Variants in COMMD1 observed in about 807,000 individuals in gnomAD.
COMMD1 encodes COMM domain-containing protein 1.
In COMMD1, 10 loss-of-function variants were observed where a neutral mutation model predicts 17.2. The ratio of observed to expected loss-of-function variants is 0.58; its 90% CI spans 0.36 to 0.99. The LOEUF (loss-of-function observed/expected upper bound fraction) is 0.99. Ranked by LOEUF, COMMD1 falls within the 50% of genes least tolerant of loss-of-function variation. The pLI is 0.01. For missense variants in COMMD1, 270 were observed against 231.8 expected, an observed-to-expected ratio of 1.17 and a Z score of -1.07; for synonymous variants, 97 against 91.6, an observed-to-expected ratio of 1.06 and a Z score of -0.34.
intron 1 of COMMD1, among the ~76,000 whole-genome samples, chr2:61,990,887 A>AT (rs1189983371): frequency 0.025 from 2,372 of 94,598 alleles, 79 homozygotes; most frequent in African/African-American, 0.099. Flanking sequence ...CAAAAAAAAA[A>AT]AAAAATATAT....
intron 2 of COMMD1, among the ~76,000 whole-genome samples, chr2:62,103,988 A>T (rs555304559): frequency 3.9e-5 from 6 of 152,062 alleles, no homozygotes; most frequent in African/African-American, 1.4e-4. Context: ...CTGCACACAC[A>T]TGCCACCACA....
chr2:61,906,005 C>T (rs1375673399), intron 1 of COMMD1, 147 bp downstream of exon 1: 4 of 780,502 alleles, frequency 5.1e-6, no homozygotes, highest in African/African-American at 3.4e-5. Context: ...ACATCGGGCT[C>T]CTTCAGATTT....
At chr2:62,067,305 T>C (rs1039173715) in intron 2 of COMMD1, among the ~76,000 whole-genome samples, 3 of 152,118 alleles carry the variant, frequency 2.0e-5, no homozygotes, top group Non-Finnish European at 2.9e-5. Context: ...TTGGTCCTTA[T>C]AAGTACTTAA....
chr2:61,920,926 T>C (rs1195870236), intron 1 of COMMD1, among the ~76,000 whole-genome samples: 1 of 149,024 alleles, frequency 6.7e-6, no homozygotes. Flanking sequence ...TATGTGTATA[T>C]GTATACATAT....
intron 2 of COMMD1, among the ~76,000 whole-genome samples, chr2:62,081,248 T>A (rs1010756726): frequency 1.3e-5 from 2 of 150,168 alleles, no homozygotes; most frequent in Non-Finnish European, 3.0e-5. Context: ...TTTTTCTCAA[T>A]CTAGATTTTT....
At chr2:61,920,853 A>T (rs1670170745) in intron 1 of COMMD1, among the ~76,000 whole-genome samples, 1 of 151,598 alleles carries the variant, frequency 6.6e-6, no homozygotes, top group Admixed American at 6.6e-5. Flanking sequence ...TTTTTACTAG[A>T]GAAAATCCTG....
chr2:62,117,720 T>C (rs1161445901), intron 2 of COMMD1, among the ~76,000 whole-genome samples: 1 of 152,260 alleles, frequency 6.6e-6, no homozygotes, highest in Non-Finnish European at 1.5e-5. Context: ...TTTTTTGTTA[T>C]TTTGTGTGAT....
intron 1 of COMMD1, among the ~76,000 whole-genome samples, chr2:61,968,340 T>C (rs1558541065): frequency 6.6e-6 from 1 of 152,158 alleles, no homozygotes; most frequent in Non-Finnish European, 1.5e-5. Flanking sequence ...TGGAATGTAA[T>C]TACTTGGGGG....
chr2:61,944,729 ATCAC>A (rs1280233900), intron 1 of COMMD1, among the ~76,000 whole-genome samples: 1 of 152,196 alleles, frequency 6.6e-6, no homozygotes, highest in Non-Finnish European at 1.5e-5. Flanking sequence ...GAATCTGCCC[ATCAC>A]TCGTGAAAAC....
rs137932056 is a variant in COMMD1 at position 61,924,566 on chromosome 2, C to T, written c.180+18708C>T. On this transcript the variant is annotated intron_variant, in intron 1 of 2. Transcript: ENST00000311832. ...AGCAGGAGGTGAGTCTGGTTTGGAG[C>T]GGGTGAGGAGAATTTGGAAAGTAGA... 5.3e-5 allele frequency among the ~76,000 whole-genome samples: 8 copies of T among 151,920 alleles called. No individual in the cohort carries two copies. The East Asian group carries it at 5.8e-4, about 11-fold the overall frequency.
At chr2:62,035,565 A>T (rs1670015380) in intron 2 of COMMD1, among the ~76,000 whole-genome samples, 1 of 151,736 alleles carries the variant, frequency 6.6e-6, no homozygotes, top group Non-Finnish European at 1.5e-5. Context: ...ACATGGTGTA[A>T]CACTCTCTAC....
intron 1 of COMMD1, among the ~76,000 whole-genome samples, chr2:61,943,706 G>A (rs1008884815): frequency 1.3e-5 from 2 of 151,904 alleles, no homozygotes; most frequent in African/African-American, 4.8e-5. Context: ...GTGGTGGCAC[G>A]CACCTGTAAT....
chr2:62,132,325 C>A (rs1673061587), intron 2 of COMMD1, among the ~76,000 whole-genome samples: 2 of 152,160 alleles, frequency 1.3e-5, no homozygotes, highest in South Asian at 4.1e-4. Context: ...TAGAAAAGAT[C>A]CTGGCTATTT....
At chr2:61,898,447 G>A (rs911917988) in intron 1 of COMMD1, among the ~76,000 whole-genome samples, 5 of 152,188 alleles carry the variant, frequency 3.3e-5, no homozygotes, top group African/African-American at 4.8e-5. Flanking sequence ...CTGCACTGCA[G>A]CCTGGATGAC....
At chr2:61,954,009 G>C (rs1038363150) in intron 1 of COMMD1, among the ~76,000 whole-genome samples, 2 of 152,056 alleles carry the variant, frequency 1.3e-5, no homozygotes, top group South Asian at 2.1e-4. Flanking sequence ...AACAGGGTCA[G>C]GAGTTCGAGA....
chr2:62,128,929 G>A (rs1433131066), intron 2 of COMMD1, among the ~76,000 whole-genome samples: 4 of 149,556 alleles, frequency 2.7e-5, no homozygotes, highest in Non-Finnish European at 5.9e-5. Flanking sequence ...TCCAGCCTGG[G>A]CAACAGAGCG....
chr2:61,987,970 G>A (rs1025581283), intron 1 of COMMD1, among the ~76,000 whole-genome samples: 10 of 152,158 alleles, frequency 6.6e-5, no homozygotes, highest in Non-Finnish European at 1.5e-4. Context: ...AGGCCCATAG[G>A]AAGTATTGCC....
At chr2:61,916,662 A>C (rs143926955) in intron 1 of COMMD1, among the ~76,000 whole-genome samples, 4,461 of 152,120 alleles carry the variant, frequency 0.029, 283 homozygotes, top group East Asian at 0.21. Flanking sequence ...CCTGGGCTCA[A>C]GTGATCTATC....
intron 2 of COMMD1, among the ~76,000 whole-genome samples, chr2:62,124,300 G>GTAAATAAA (rs561238824): frequency 6.6e-6 from 1 of 152,048 alleles, no homozygotes; most frequent in East Asian, 1.9e-4. Flanking sequence ...CTCCATCTCA[G>GTAAATAAA]TAAATAAATA....
Sources: gnomAD v4.1 joint callset for allele counts (sites outside exome capture counted in the v4.1 genomes callset) on GRCh38, gnomAD v4.1.1 for gene constraint, MANE v1.5 for transcripts, NCBI Gene and HGNC (gene_info 2026-07-23, HGNC 2026-07-21) for gene names.